Variants in NALF1 observed in about 807,000 individuals in gnomAD.
NALF1 encodes the protein family with sequence similarity 155 member A.
NALF1 carries 3 observed loss-of-function variants against 48.4 expected under a neutral mutation model. That is an observed-to-expected ratio of 0.06 (90% CI 0.03 to 0.16). The LOEUF is 0.16. Ranked by LOEUF, NALF1 falls within the 10% of genes least tolerant of loss-of-function variation. The probability of loss-of-function intolerance (pLI) is 1.00; values close to 1 mark genes in which losing one functional copy is unlikely to be tolerated. For missense variants in NALF1, 526 were observed against 571.5 expected (o/e 0.92, Z 0.81); for synonymous variants, 262 against 245.7 (o/e 1.07, Z -0.62).
intron 1 of NALF1, among the ~76,000 whole-genome samples, chr13:107,251,445 T>C (rs1036157807): frequency 3.9e-5 from 6 of 152,292 alleles, no homozygotes; most frequent in South Asian, 2.1e-4. Flanking sequence ...GAAGAGAAGA[T>C]TGTGCTTTTT....
rs149748535 is a variant in NALF1 at position 107,199,392 on chromosome 13, C to T, written c.1087+11192G>A. On this transcript the variant is annotated intron_variant, in intron 2 of 2. Transcript: ENST00000375915. ...CCCTGTAGCATGTGGTATTTTGTCA[C>T]GGCAGCCCTAGTGGACTAACACATA... is the stretch of plus-strand genomic sequence containing the variant. Among the ~76,000 whole-genome samples, 467 of 152,258 alleles carry T rather than the reference C, an allele frequency of 3.1e-3. 2 individuals are homozygous for T. The highest frequency in any genetic ancestry group is 3.6e-3 in the Non-Finnish European group (245 of 68,010).
rs1879903428 is a variant in NALF1, at chr13:107,217,708, C to T, written c.916-6953G>A. Among the ~76,000 whole-genome samples, 3 of 152,126 alleles carry T rather than the reference C, an allele frequency of 2.0e-5. No homozygotes were observed. The South Asian group carries it at 6.2e-4, about 31-fold the overall frequency. On this transcript the variant is annotated intron_variant, in intron 1 of 2. Transcript: ENST00000375915. ...CCACGCTCCACAGCTCTTCAATCAC[C>T]ACGCCCTGTGAGCCTGCTTCCTCAA... is the stretch of plus-strand genomic sequence containing the variant.
intron 1 of NALF1, among the ~76,000 whole-genome samples, chr13:107,300,841 C>T (rs2138892601): frequency 6.6e-6 from 1 of 152,266 alleles, no homozygotes; most frequent in Non-Finnish European, 1.5e-5. Context: ...GGAACAGATT[C>T]ACTGTTCAAA....
chr13:107,353,891 G>C (rs1451723850), intron 1 of NALF1, among the ~76,000 whole-genome samples: 1 of 152,126 alleles, frequency 6.6e-6, no homozygotes, highest in Non-Finnish European at 1.5e-5. Flanking sequence ...TACTTAAAAA[G>C]AGGAAGACTG....
At chr13:107,352,017 G>C (rs180826109) in intron 1 of NALF1, among the ~76,000 whole-genome samples, 257 of 152,334 alleles carry the variant, frequency 1.7e-3, no homozygotes, top group Non-Finnish European at 2.9e-3. Flanking sequence ...GAGGGGGTCT[G>C]CACCTCATAG....
At chr13:107,339,021 G>C (rs1566489242) in intron 1 of NALF1, among the ~76,000 whole-genome samples, 1 of 151,494 alleles carries the variant, frequency 6.6e-6, no homozygotes, top group African/African-American at 2.4e-5. Flanking sequence ...GTAGTTCCAG[G>C]TACTCGGGAG....
intron 1 of NALF1, among the ~76,000 whole-genome samples, chr13:107,246,196 G>A (rs759700255): frequency 2.6e-5 from 4 of 152,248 alleles, no homozygotes; most frequent in South Asian, 4.1e-4. Flanking sequence ...ATTTTCAGGG[G>A]TAAGTTTTCC....
chr13:107,770,943 C>A lies in NALF1; in HGVS notation c.915+94739G>T, dbSNP rs553219916. Among the ~76,000 whole-genome samples the A allele has an allele frequency of 1.2e-4, 19 of 152,224 alleles. No individual in the cohort carries two copies. The South Asian group carries it at 3.3e-3, about 27-fold the overall frequency. On this transcript the variant is annotated intron_variant, in intron 1 of 2. Transcript: ENST00000375915. The stretch of plus-strand genomic sequence containing the variant: ...TAAATAGTCTTTGGCCTTTAGCAGA[C>A]CTTGTGAGTTTCTGGTCTTTTTCCT...
At chr13:107,843,658 G>T (rs1880098177) in intron 1 of NALF1, among the ~76,000 whole-genome samples, 1 of 152,032 alleles carries the variant, frequency 6.6e-6, no homozygotes, top group Non-Finnish European at 1.5e-5. Flanking sequence ...TTTCAGCTTT[G>T]TTTTCCAGCA....
chr13:107,653,492 T>A (rs1345792560), intron 1 of NALF1, among the ~76,000 whole-genome samples: 4 of 152,184 alleles, frequency 2.6e-5, no homozygotes, highest in Middle Eastern at 6.8e-3. Flanking sequence ...TATTTTTTTT[T>A]TTATTATAAA....
Position 107,447,914 on chromosome 13 carries a change from G to C in NALF1, c.916-237159C>G, listed in dbSNP as rs1884677349. On this transcript the variant is annotated intron_variant, in intron 1 of 2. Coordinates refer to ENST00000375915, the MANE Select transcript of NALF1 (RefSeq NM_001080396.3). ...TGGCTGGTCTATATCTTTGGAGGTAGTTGTAGAGTCCTGCTGAAGTCAGAA... is the reference window on the plus strand; with the variant it reads ...TGGCTGGTCTATATCTTTGGAGGTACTTGTAGAGTCCTGCTGAAGTCAGAA... Among the ~76,000 whole-genome samples, 5 of 152,284 alleles carry C rather than the reference G, an allele frequency of 3.3e-5. No homozygotes were observed. The South Asian group carries it at 1.0e-3, about 32-fold the overall frequency.
At chr13:107,375,256 A>G (rs565780590) in intron 1 of NALF1, among the ~76,000 whole-genome samples, 3 of 152,348 alleles carry the variant, frequency 2.0e-5, no homozygotes, top group African/African-American at 7.2e-5. Flanking sequence ...ATGTGGTTTC[A>G]AAATCAACAA....
chr13:107,686,035 C>T (rs1484457378), intron 1 of NALF1, among the ~76,000 whole-genome samples: 1 of 152,162 alleles, frequency 6.6e-6, no homozygotes, highest in Non-Finnish European at 1.5e-5. Flanking sequence ...GAAGAAGCGG[C>T]AGAGCAAGCA....
intron 1 of NALF1, among the ~76,000 whole-genome samples, chr13:107,367,064 A>T (rs41341253): frequency 0.41 from 62,620 of 151,998 alleles, 13,257 homozygotes; most frequent in African/African-American, 0.5. Context: ...AGTCCCTTGC[A>T]CAAGGATGAA....
intron 1 of NALF1, among the ~76,000 whole-genome samples, chr13:107,624,722 C>G (rs1008352059): frequency 6.6e-6 from 1 of 152,206 alleles, no homozygotes; most frequent in Admixed American, 6.5e-5. Context: ...ATAGCAACGG[C>G]CTTTGCCATG....
rs1880720441 is a variant in NALF1 at position 107,866,314 on chromosome 13, G to GCCT, written c.282_283insAGG (p.Gln94_Gln95insArg). 2.5e-6 allele frequency: 4 copies of GCCT among 1,607,338 alleles called. No individual in the cohort carries two copies. The highest frequency in any genetic ancestry group is 3.4e-6 in the Non-Finnish European group (4 of 1,178,622). Reference sequence around the variant, plus strand: ...CAGGAGGGCTCCTGCTGCCGCCGCTGCTGCTGCTGCTGCTGCCGCTGCCTC... The same window carrying GCCT: ...CAGGAGGGCTCCTGCTGCCGCCGCTGCCTCTGCTGCTGCTGCTGCCGCTGCCTC... On this transcript the variant is annotated inframe_insertion, in exon 1 of 3. Coordinates refer to ENST00000375915, the MANE Select transcript of NALF1 (RefSeq NM_001080396.3). The surrounding 1 kb of genome is among the most constrained non-coding windows in gnomAD (Gnocchi z 4.4).
chr13:107,848,600 A>G (rs1433953822), intron 1 of NALF1, among the ~76,000 whole-genome samples: 6 of 152,212 alleles, frequency 3.9e-5, no homozygotes, highest in Admixed American at 6.5e-5. Flanking sequence ...ATATGAGTAT[A>G]ATTCAATGAA....
intron 1 of NALF1, among the ~76,000 whole-genome samples, chr13:107,572,073 C>CA (rs1878002139): frequency 6.6e-6 from 1 of 152,020 alleles, no homozygotes; most frequent in Admixed American, 6.6e-5. Flanking sequence ...AAACCATACA[C>CA]AAAAATCTAT....
At chr13:107,628,313 T>C (rs2138446262) in intron 1 of NALF1, among the ~76,000 whole-genome samples, 1 of 152,296 alleles carries the variant, frequency 6.6e-6, no homozygotes, top group East Asian at 1.9e-4. Flanking sequence ...CAATGCATTT[T>C]AGCTGATTTA....
Sources: allele counts gnomAD v4.1 joint callset (sites outside exome capture counted in the v4.1 genomes callset), GRCh38; gene constraint gnomAD v4.1.1; non-coding constraint Gnocchi (gnomAD v3.1); transcripts MANE v1.5; gene names NCBI Gene and HGNC (gene_info 2026-07-23, HGNC 2026-07-21).